The following NXPE4 variants were observed in gnomAD, a reference collection of about 807,000 sequenced individuals.
NXPE4 encodes neurexophilin and PC-esterase domain family member 4.
In NXPE4, 42 loss-of-function variants were observed where a neutral mutation model predicts 33.3. The ratio of observed to expected loss-of-function variants is 1.26; its 90% CI spans 0.98 to 1.63. The LOEUF is 1.63. Ranked by LOEUF, NXPE4 falls within the 40% of genes most tolerant of loss-of-function variation. The probability of loss-of-function intolerance (pLI) is 0.00; values close to 1 mark genes in which losing one functional copy is unlikely to be tolerated. For missense variants in NXPE4, 709 were observed against 647.6 expected, an observed-to-expected ratio of 1.09 and a Z score of -1.03; for synonymous variants, 253 against 234.9, an observed-to-expected ratio of 1.08 and a Z score of -0.71.
chr11:114,614,522 T>A, the NXPE4 span, among the ~76,000 whole-genome samples: 1 of 151,668 alleles, frequency 6.6e-6, no homozygotes, highest in African/African-American at 2.4e-5. Flanking sequence ...TGTTGCCTCA[T>A]GGGGAACCAG....
At chr11:114,640,411 G>T in the NXPE4 span, among the ~76,000 whole-genome samples, 1 of 150,976 alleles carries the variant, frequency 6.6e-6, no homozygotes, top group South Asian at 2.1e-4. Flanking sequence ...GAATTGTGCT[G>T]CAATATATAT....
the NXPE4 span, among the ~76,000 whole-genome samples, chr11:114,632,626 A>G: frequency 4.3e-3 from 436 of 100,864 alleles, 2 homozygotes; most frequent in African/African-American, 0.017. Flanking sequence ...ATATATTTAT[A>G]TATAATAAAT....
At chr11:114,584,784 T>C (rs1176709494) in intron 2 of NXPE4, 1 of 152,468 alleles carries the variant, frequency 6.6e-6, no homozygotes, top group Non-Finnish European at 1.5e-5. Flanking sequence ...TTTCTCCAGG[T>C]ATTCATATAA....
the NXPE4 span, among the ~76,000 whole-genome samples, chr11:114,655,529 A>C: frequency 6.6e-6 from 1 of 152,140 alleles, no homozygotes; most frequent in African/African-American, 2.4e-5. Flanking sequence ...GTCCAGTTTC[A>C]GTTTTCTGCA....
At chr11:114,641,726 A>G in the NXPE4 span, among the ~76,000 whole-genome samples, 1 of 152,134 alleles carries the variant, frequency 6.6e-6, no homozygotes. Context: ...TAACTCTTAG[A>G]GCACACTGAA....
At chr11:114,629,242 C>G in the NXPE4 span, among the ~76,000 whole-genome samples, 6 of 152,056 alleles carry the variant, frequency 3.9e-5, no homozygotes, top group Admixed American at 3.3e-4. Flanking sequence ...GACCAATATC[C>G]TTGATGAACA....
chr11:114,595,903 A>G (rs770484436), upstream of NXPE4: 5 of 152,312 alleles, frequency 3.3e-5, no homozygotes, highest in Non-Finnish European at 7.3e-5. Context: ...ATATGATTTC[A>G]AATTCCTGAA....
chr11:114,668,904 CTTAT>C, the NXPE4 span, among the ~76,000 whole-genome samples: 2 of 152,034 alleles, frequency 1.3e-5, no homozygotes, highest in Non-Finnish European at 2.9e-5. Flanking sequence ...TCAAACAACA[CTTAT>C]TTAAGAAAAA....
At chr11:114,622,888 G>T in the NXPE4 span, among the ~76,000 whole-genome samples, 1 of 151,794 alleles carries the variant, frequency 6.6e-6, no homozygotes. Flanking sequence ...AATAAGTATT[G>T]CCTCATAGGT....
intron 3 of NXPE4, 74 bp from the exon 4 acceptor site, chr11:114,581,860 A>C: frequency 1.0e-6 from 1 of 957,556 alleles, no homozygotes; most frequent in South Asian, 1.4e-5. Context: ...TAGATTATCC[A>C]GTGCCTCAGT....
In NXPE4 at chr11:114,582,521, A is replaced by G. The variant is rs778437339; in HGVS notation, c.597T>C (p.Tyr199=). ...ACTGGCCAGTGAAGATCACCCTGTC[A>G]TAGCCTTGGTTCCTTGCACTCCAGA... ...SALWSARNQG[Y]DRVIFTGQFV... Residue 199 remains tyrosine, a synonymous_variant, in exon 3 of 6, where the codon TAT becomes TAC. Coordinates refer to ENST00000375478, the MANE Select transcript of NXPE4 (RefSeq NM_001077639.2). The G allele has an allele frequency of 2.5e-6, 4 of 1,614,178 alleles. No homozygotes were observed. The highest frequency in any genetic ancestry group is 3.3e-5 in the Admixed American group (2 of 60,028).
At chr11:114,573,234 C>G (rs960400346) in intron 5 of NXPE4, among the ~76,000 whole-genome samples, 11 of 152,064 alleles carry the variant, frequency 7.2e-5, no homozygotes, top group African/African-American at 2.4e-4. Flanking sequence ...GTTATCAAAG[C>G]ACACCAAAAT....
chr11:114,636,749 C>T, the NXPE4 span, among the ~76,000 whole-genome samples: 1 of 152,068 alleles, frequency 6.6e-6, no homozygotes, highest in African/African-American at 2.4e-5. Context: ...GCAGGTTGTT[C>T]AGTTTCCATG....
the NXPE4 span, among the ~76,000 whole-genome samples, chr11:114,651,541 T>C: frequency 1.3e-5 from 2 of 152,208 alleles, no homozygotes; most frequent in African/African-American, 2.4e-5. Context: ...CCGAAAAGAT[T>C]GCCACTGCTG....
chr11:114,654,400 T>G, the NXPE4 span, among the ~76,000 whole-genome samples: 35 of 152,284 alleles, frequency 2.3e-4, no homozygotes, highest in South Asian at 2.9e-3. Context: ...TGTGCAGGTT[T>G]GTTACATAGG....
the NXPE4 span, among the ~76,000 whole-genome samples, chr11:114,619,066 GATA>G: frequency 6.6e-6 from 1 of 151,956 alleles, no homozygotes; most frequent in Non-Finnish European, 1.5e-5. Context: ...TTACCTGGTG[GATA>G]ATAAGTATTG....
chr11:114,609,080 G>A, the NXPE4 span, among the ~76,000 whole-genome samples: 126 of 150,874 alleles, frequency 8.4e-4, 2 homozygotes, highest in African/African-American at 2.9e-3. Context: ...ACTGTTATCC[G>A]GTGGATAATA....
At chr11:114,590,410 A>T (rs908146529) in intron 2 of NXPE4, among the ~76,000 whole-genome samples, 1 of 152,104 alleles carries the variant, frequency 6.6e-6, no homozygotes, top group Non-Finnish European at 1.5e-5. Context: ...TCCTCAAGCA[A>T]CTGACAAGAT....
chr11:114,616,330 G>A, the NXPE4 span, among the ~76,000 whole-genome samples: 2 of 125,894 alleles, frequency 1.6e-5, no homozygotes. Context: ...TGTAACCACT[G>A]TTACCTGATG....
Sources: gnomAD v4.1 joint callset for allele counts (sites outside exome capture counted in the v4.1 genomes callset) on GRCh38, gnomAD v4.1.1 for gene constraint, MANE v1.5 for transcripts, NCBI Gene and HGNC (gene_info 2026-07-23, HGNC 2026-07-21) for gene names.